Variants in POTEI observed in about 807,000 individuals in gnomAD.
The protein encoded by POTEI is POTE ankyrin domain family member I.
Under a neutral mutation model 43.4 loss-of-function variants are expected in POTEI, and 14 were observed. That is an observed-to-expected ratio of 0.32 (90% confidence interval 0.21 to 0.50). The LOEUF (loss-of-function observed/expected upper bound fraction) is 0.50. Among genes scored for constraint, POTEI ranks in the 20% least tolerant of loss-of-function variants. The probability of loss-of-function intolerance (pLI) is 0.98; values close to 1 mark genes in which losing one functional copy is unlikely to be tolerated. For missense variants in POTEI, 235 were observed against 795.4 expected, an observed-to-expected ratio of 0.30 and a Z score of 8.47; for synonymous variants, 95 against 297.9, an observed-to-expected ratio of 0.32 and a Z score of 7.01.
At chr2:130,491,788 G>A (rs1683746174) in intron 6 of POTEI, among the ~76,000 whole-genome samples, 1 of 106,702 alleles carries the variant, frequency 9.4e-6, no homozygotes, top group Non-Finnish European at 2.1e-5. Flanking sequence ...CGGAGAAGCT[G>A]GGATTACAGG....
At chr2:130,477,171 T>C (rs1361262184) in intron 10 of POTEI, among the ~76,000 whole-genome samples, 1 of 151,360 alleles carries the variant, frequency 6.6e-6, no homozygotes, top group Non-Finnish European at 1.5e-5. Flanking sequence ...TTTTTTTTTT[T>C]TATGAACCAG....
At chr2:130,502,065 G>A (rs1025161308) in intron 3 of POTEI, among the ~76,000 whole-genome samples, 9 of 47,044 alleles carry the variant, frequency 1.9e-4, no homozygotes, top group Non-Finnish European at 4.0e-4. Flanking sequence ...CAGATTTTGA[G>A]AAAATTGTTG....
chr2:130,483,534 C>CA (rs1339023903), intron 9 of POTEI, among the ~76,000 whole-genome samples: 1 of 129,880 alleles, frequency 7.7e-6, no homozygotes, highest in African/African-American at 3.1e-5. Flanking sequence ...TATAAAGAGC[C>CA]AAAACGATTT....
intron 9 of POTEI, among the ~76,000 whole-genome samples, chr2:130,484,319 A>G (rs567612172): frequency 4.2e-5 from 6 of 144,178 alleles, no homozygotes; most frequent in African/African-American, 1.6e-4. Context: ...GAGATGATAA[A>G]TCACTTTGTT....
Position 130,508,964 on chromosome 2 carries a change from A to G in POTEI, c.272T>C (p.Met91Thr), listed in dbSNP as rs920800239. The change falls in exon 1 of 15, where the codon ATG becomes ACG. Residue 91 changes from methionine (M) to threonine (T), a missense_variant. By Grantham distance (81) the Met-to-Thr change is moderately conservative. Transcript: ENST00000451531. ...GCCCATCTTGCTCCTGAGCGTCTTC[A>G]TAGCGGAGTCGTCGTGGTCTCCAGA... ...GTSGDHDDSA[M>T]KTLRSKMGKW... 1.3e-6 allele frequency: 2 copies of G among 1,594,906 alleles called. No homozygotes were observed. The highest frequency in any genetic ancestry group is 1.7e-6 in the Non-Finnish European group (2 of 1,172,138).
intron 10 of POTEI, among the ~76,000 whole-genome samples, chr2:130,477,525 G>C (rs1431589303): frequency 6.6e-6 from 1 of 150,400 alleles, no homozygotes; most frequent in Non-Finnish European, 1.5e-5. Flanking sequence ...CTCCTTCCTT[G>C]AGGCTGCCTT....
rs4044401 is a variant in POTEI, at chr2:130,480,046, C to T, written c.1480+1957G>A. Among the ~76,000 whole-genome samples, 18 of 49,976 alleles carry T rather than the reference C, an allele frequency of 3.6e-4. 1 individual carries two copies. Among genetic ancestry groups the T allele is most frequent in the South Asian group, 1.9e-3 (2 of 1,026 alleles). The allele number at this position is 49,976 out of a possible 152,430, so 32.8% of individuals were successfully genotyped here. On this transcript the variant is annotated intron_variant, in intron 10 of 14. Transcript: ENST00000451531. ...GTTTTCTCCCTGTTTAAAAGACACA[C>T]GTGAAGAAAAGCAGCCCTTGCGATG... is the stretch of plus-strand genomic sequence containing the variant.
intron 6 of POTEI, among the ~76,000 whole-genome samples, chr2:130,492,657 G>C (rs1460782518): frequency 7.5e-6 from 1 of 133,920 alleles, no homozygotes; most frequent in Non-Finnish European, 1.6e-5. Context: ...GTGACAGATA[G>C]CTCATGTGGA....
chr2:130,507,326 A>T lies in POTEI; in HGVS notation c.521+1389T>A, dbSNP rs1283118716. On this transcript the variant is annotated intron_variant, in intron 1 of 14. Coordinates refer to ENST00000451531, the MANE Select transcript of POTEI (RefSeq NM_001277406.2). ...TATATATATATATATATACACACACACACACACACACATATATATGTATAT... is the reference window on the plus strand; with the variant it reads ...TATATATATATATATATACACACACTCACACACACACATATATATGTATAT... Among the ~76,000 whole-genome samples, 17 of 6,196 alleles carry T rather than the reference A, an allele frequency of 2.7e-3. 1 individual carries two copies. The highest frequency in any genetic ancestry group is 3.3e-3 in the African/African-American group (17 of 5,116). 4.1% of individuals were successfully genotyped at this position (6,196 alleles called of 152,430 possible). A position where few individuals can be genotyped will look rare whatever the true frequency, so the allele number is the denominator to read the frequency against.
At position 130,509,014 on chromosome 2, in the gene POTEI, C is replaced by G. The variant is rs773288265; in HGVS notation, c.222G>C (p.Gly74=). The change falls in exon 1 of 15, where the codon GGG becomes GGC. Residue 74 remains glycine, a synonymous_variant. Coordinates refer to ENST00000451531, the MANE Select transcript of POTEI (RefSeq NM_001277406.2). Reference sequence around the variant, plus strand: ...AAGTGCCCACGTTGCTCTTGCCACTCCCCCTGCAGCAGGGGAAGCAGTGGC... The same window carrying G: ...AAGTGCCCACGTTGCTCTTGCCACTGCCCCTGCAGCAGGGGAAGCAGTGGC... The part of the protein sequence containing the change: ...WCCHCFPCCR[G]SGKSNVGTSG... 3 of 1,521,018 alleles carry G rather than the reference C, an allele frequency of 2.0e-6. No individual in the cohort carries two copies. Among genetic ancestry groups the G allele is most frequent in the East Asian group, 4.6e-5 (2 of 43,110 alleles). 94.2% of individuals were successfully genotyped at this position (1,521,018 alleles called of 1,614,324 possible). A position where few individuals can be genotyped will look rare whatever the true frequency, so the allele number is the denominator to read the frequency against.
chr2:130,468,218 CCAT>C (rs1448256146), intron 13 of POTEI, among the ~76,000 whole-genome samples: 1 of 140,432 alleles, frequency 7.1e-6, no homozygotes, highest in African/African-American at 2.6e-5. Flanking sequence ...CAACCAGTGT[CCAT>C]CAACTGATGA....
At chr2:130,478,625 G>A (rs1426594037) in intron 10 of POTEI, among the ~76,000 whole-genome samples, 1 of 131,798 alleles carries the variant, frequency 7.6e-6, no homozygotes, top group Non-Finnish European at 1.5e-5. Flanking sequence ...AGCCAAGCAG[G>A]GCACTCTAGG....
chr2:130,467,544 T>C (rs865891422), intron 13 of POTEI, among the ~76,000 whole-genome samples: 143 of 139,722 alleles, frequency 1.0e-3, no homozygotes, highest in African/African-American at 3.5e-3. Context: ...ACCTAAGACC[T>C]GAAAACATTG....
intron 6 of POTEI, among the ~76,000 whole-genome samples, chr2:130,492,982 A>T: frequency 6.6e-6 from 1 of 150,648 alleles, no homozygotes; most frequent in South Asian, 2.1e-4. Flanking sequence ...TATACAAAAA[A>T]CACTCTTTCT....
chr2:130,463,817 T>C lies in POTEI; in HGVS notation c.2227A>G (p.Met743Val), dbSNP rs747336381. The change falls in exon 15 of 15, where the codon ATG (methionine) becomes GTG (valine). Residue 743 changes from methionine to valine, a missense_variant. Transcript: ENST00000451531. ...TCTTTCTGATGCATGCCCCCCATCA[T>C]GCCCTGCTGCCTGGGGCGCCCCACG... ...SIVGRPRQQG[M>V]MGGMHQKESY... 1 of 1,536,810 alleles carries C rather than the reference T, an allele frequency of 6.5e-7. No homozygotes were observed. The highest frequency in any genetic ancestry group is 2.5e-5 in the East Asian group (1 of 40,626).
intron 10 of POTEI, among the ~76,000 whole-genome samples, chr2:130,480,025 T>C (rs1460430075): frequency 5.9e-5 from 3 of 50,828 alleles, no homozygotes; most frequent in Admixed American, 2.2e-4. Flanking sequence ...TTCTAAGTTT[T>C]CTCCCTGTTT....
rs200001149 is a variant in POTEI at position 130,500,056 on chromosome 2, C to G, written c.917+480G>C. On this transcript the variant is annotated intron_variant, in intron 4 of 14. Coordinates refer to ENST00000451531, the MANE Select transcript of POTEI (RefSeq NM_001277406.2). ...GGAACAGCAATTAATTGTCATGTAG[C>G]GATAAGCTAACATTAATATTCTTCA... Among the ~76,000 whole-genome samples the G allele has an allele frequency of 8.8e-3, 1,324 of 150,088 alleles. 66 individuals are homozygous for G. Among genetic ancestry groups the G allele is most frequent in the Admixed American group, 0.071 (1,039 of 14,650 alleles).
intron 9 of POTEI, among the ~76,000 whole-genome samples, chr2:130,483,956 T>G (rs1463656816): frequency 6.7e-6 from 1 of 150,210 alleles, no homozygotes; most frequent in Non-Finnish European, 1.5e-5. Context: ...ATTTAACAAG[T>G]ATTTATTAGG....
chr2:130,461,808 G>A lies in POTEI; in HGVS notation c.*1008C>T, dbSNP rs1249662261. On this transcript the variant is annotated 3_prime_UTR_variant, in exon 15 of 15. Transcript: ENST00000451531. ...CGTCGGTTTGTACTCTCCAAAGCCC[G>A]CAGGCTGGAATGACTAAGTTGCCTG... 27 of 150,616 alleles carry A rather than the reference G, an allele frequency of 1.8e-4. No homozygotes were observed. Among genetic ancestry groups the A allele is most frequent in the Admixed American group, 9.2e-4 (14 of 15,196 alleles). The allele number at this position is 150,616 out of a possible 1,614,324, so 9.3% of individuals were successfully genotyped here.
Sources: gnomAD v4.1 joint callset for allele counts (sites outside exome capture counted in the v4.1 genomes callset) on GRCh38, gnomAD v4.1.1 for gene constraint, MANE v1.5 for transcripts, NCBI Gene and HGNC (gene_info 2026-07-23, HGNC 2026-07-21) for gene names.